Variants in LRPPRC observed in about 807,000 individuals in gnomAD.
LRPPRC encodes leucine-rich PPR motif-containing protein, mitochondrial.
A neutral mutation model predicts 180.3 loss-of-function variants in LRPPRC; 120 were observed. The observed-to-expected ratio is 0.67, with a 90% CI of 0.57 to 0.77. The LOEUF (loss-of-function observed/expected upper bound fraction) is 0.77, where lower values mean the gene tolerates loss of function less well. Among genes scored for constraint, LRPPRC ranks in the 30% least tolerant of loss-of-function variants. The pLI is 0.00. For synonymous variants in LRPPRC, 723 were observed against 600.0 expected (o/e 1.21, Z -3.00); for missense variants, 2,012 against 1,657.2 (o/e 1.21, Z -3.72).
chr2:43,889,183 C>T (rs1194658350), intron 37 of LRPPRC, among the ~76,000 whole-genome samples: 3 of 151,956 alleles, frequency 2.0e-5, no homozygotes, highest in Non-Finnish European at 4.4e-5. Flanking sequence ...GGCATGGTGG[C>T]AGGCCCCTGT....
At chr2:43,900,978 G>A (rs569922007) in intron 32 of LRPPRC, among the ~76,000 whole-genome samples, 1 of 152,114 alleles carries the variant, frequency 6.6e-6, no homozygotes, top group South Asian at 2.1e-4. Context: ...TTCTACTAGT[G>A]TCCCTATCAA....
At chr2:43,962,256 A>G (rs1159085718) in intron 12 of LRPPRC, among the ~76,000 whole-genome samples, 1 of 152,208 alleles carries the variant, frequency 6.6e-6, no homozygotes, top group South Asian at 2.1e-4. Flanking sequence ...TATGTGGGAA[A>G]GTTACTTAAA....
At position 43,889,885 on chromosome 2, in the gene LRPPRC, A is replaced by G. The variant is rs933886588; in HGVS notation, c.3986-9T>C. On this transcript the variant is annotated splice_polypyrimidine_tract_variant and intron_variant, in intron 36 of 37. Coordinates refer to ENST00000260665, the MANE Select transcript of LRPPRC (RefSeq NM_133259.4). ...GACATCTTTCTCTGAGACTGACATA[A>G]AGAAAAAAATATATTAATCAGAGAT... is the stretch of plus-strand genomic sequence containing the variant. 1 of 1,595,742 alleles carries G rather than the reference A, an allele frequency of 6.3e-7. No individual in the cohort carries two copies. Among genetic ancestry groups the G allele is most frequent in the Non-Finnish European group, 8.6e-7 (1 of 1,163,324 alleles).
chr2:43,923,329 G>GA (rs986195032), intron 27 of LRPPRC, among the ~76,000 whole-genome samples: 12 of 149,200 alleles, frequency 8.0e-5, no homozygotes, highest in East Asian at 7.9e-4. Context: ...AAGTTAAAAA[G>GA]AAAAAAAAAA....
rs1229778251 is a variant in LRPPRC, at chr2:43,887,852, T to C, written c.*748A>G. On this transcript the variant is annotated 3_prime_UTR_variant, in exon 38 of 38. Coordinates refer to ENST00000260665, the MANE Select transcript of LRPPRC (RefSeq NM_133259.4). ...GGATATGAGTATAAAGTAACAAGCC[T>C]AGGGCAGAGCTTGTACTGACAAAGT... 1 of 152,204 alleles carries C rather than the reference T, an allele frequency of 6.6e-6. No individual in the cohort carries two copies. Among genetic ancestry groups the C allele is most frequent in the Non-Finnish European group, 1.5e-5 (1 of 68,060 alleles). 9.4% of individuals were successfully genotyped at this position (152,204 alleles called of 1,614,324 possible). A position where few individuals can be genotyped will look rare whatever the true frequency, so the allele number is the denominator to read the frequency against.
chr2:43,936,768 T>C (rs2105064315), intron 23 of LRPPRC, among the ~76,000 whole-genome samples: 1 of 152,306 alleles, frequency 6.6e-6, no homozygotes, highest in East Asian at 1.9e-4. Context: ...CATTTGAATT[T>C]TTGTCATTTG....
At chr2:43,975,588 C>CT (rs201011515) in intron 6 of LRPPRC, among the ~76,000 whole-genome samples, 2,838 of 144,262 alleles carry the variant, frequency 0.02, 96 homozygotes, top group African/African-American at 0.065. Flanking sequence ...TTTCTTTTTT[C>CT]TTTTTTTTTT....
At chr2:43,940,205 G>C (rs765174408) in intron 23 of LRPPRC, among the ~76,000 whole-genome samples, 5 of 152,122 alleles carry the variant, frequency 3.3e-5, no homozygotes, top group Admixed American at 6.6e-5. Flanking sequence ...TGCAATAATG[G>C]AGTAAAAGAG....
chr2:43,989,212 T>A (rs1674665423), intron 1 of LRPPRC, among the ~76,000 whole-genome samples: 2 of 152,228 alleles, frequency 1.3e-5, no homozygotes, highest in Admixed American at 1.3e-4. Context: ...CTCTAAGAAC[T>A]GAATTCTCCA....
At chr2:43,972,954 T>C (rs145303711) in intron 11 of LRPPRC, among the ~76,000 whole-genome samples, 3 of 152,320 alleles carry the variant, frequency 2.0e-5, no homozygotes, top group South Asian at 2.1e-4. Flanking sequence ...TTACCAATAA[T>C]GCAAACCGAA....
rs1674935342 is a variant in LRPPRC at position 43,994,569 on chromosome 2, G to A, written c.149+1230C>T. Among the ~76,000 whole-genome samples the A allele has an allele frequency of 1.3e-5, 2 of 148,788 alleles. 1 individual carries two copies. The highest frequency in any genetic ancestry group is 1.4e-4 in the Admixed American group (2 of 14,760). On this transcript the variant is annotated intron_variant, in intron 1 of 37. Coordinates refer to ENST00000260665, the MANE Select transcript of LRPPRC (RefSeq NM_133259.4). Reference sequence around the variant, plus strand: ...TAATGGCATAATGCAGATAATTTGAGGATAAAATGCAGATAAATCTGGAGT... The same window carrying A: ...TAATGGCATAATGCAGATAATTTGAAGATAAAATGCAGATAAATCTGGAGT...
At chr2:43,895,862 A>ATACT (rs2104981774) in intron 35 of LRPPRC, among the ~76,000 whole-genome samples, 1 of 152,352 alleles carries the variant, frequency 6.6e-6, no homozygotes, top group Non-Finnish European at 1.5e-5. Context: ...ATTTAATTTT[A>ATACT]TACTTACAGT....
chr2:43,923,898 G>T (rs1263338651), intron 27 of LRPPRC, among the ~76,000 whole-genome samples: 1 of 152,036 alleles, frequency 6.6e-6, no homozygotes, highest in African/African-American at 2.4e-5. Context: ...ATTATAATTT[G>T]CAATTTGAGG....
intron 34 of LRPPRC, among the ~76,000 whole-genome samples, chr2:43,897,559 A>C (rs1670729854): frequency 6.6e-6 from 1 of 152,200 alleles, no homozygotes; most frequent in South Asian, 2.1e-4. Flanking sequence ...CTACGGCAAG[A>C]ATAATCTTTT....
intron 1 of LRPPRC, among the ~76,000 whole-genome samples, chr2:43,983,867 T>A (rs760889282): frequency 1.6e-4 from 25 of 152,160 alleles, no homozygotes; most frequent in Admixed American, 5.2e-4. Flanking sequence ...AGACTAGAAA[T>A]TCTACCACTG....
At chr2:43,891,103 G>C (rs919088321) in intron 36 of LRPPRC, among the ~76,000 whole-genome samples, 1 of 152,164 alleles carries the variant, frequency 6.6e-6, no homozygotes, top group African/African-American at 2.4e-5. Context: ...ACACATCTTT[G>C]CTGTTTCCAT....
chr2:43,904,987 C>T (rs1558912135), intron 31 of LRPPRC, among the ~76,000 whole-genome samples: 1 of 152,086 alleles, frequency 6.6e-6, no homozygotes, highest in Admixed American at 6.6e-5. Context: ...AAGACCTCCA[C>T]ATCCCAATTC....
At chr2:43,980,069 C>T in intron 2 of LRPPRC, 121 bp from the exon 3 acceptor site, 1 of 932,536 alleles carries the variant, frequency 1.1e-6, no homozygotes, top group Non-Finnish European at 1.7e-6. Context: ...CTGAGAGTAA[C>T]CATAAATTAG....
At chr2:43,966,363 G>A (rs61614759) in intron 11 of LRPPRC, among the ~76,000 whole-genome samples, 25,409 of 151,898 alleles carry the variant, frequency 0.17, 2,474 homozygotes, top group African/African-American at 0.26. Flanking sequence ...ACAATGTACA[G>A]AATACTTGAT....
Sources: allele counts gnomAD v4.1 joint callset (sites outside exome capture counted in the v4.1 genomes callset), GRCh38; gene constraint gnomAD v4.1.1; transcripts MANE v1.5; gene names NCBI Gene and HGNC (gene_info 2026-07-23, HGNC 2026-07-21).